Variants in MTM1 observed in about 807,000 individuals in gnomAD.
The protein encoded by MTM1 is myotubularin.
MTM1 carries 9 observed loss-of-function variants against 52.1 expected under a neutral mutation model. That is an observed-to-expected ratio of 0.17 (90% CI 0.10 to 0.30). The LOEUF (loss-of-function observed/expected upper bound fraction) is 0.30, where lower values mean the gene tolerates loss of function less well. Ranked by LOEUF, MTM1 falls within the 10% of genes least tolerant of loss-of-function variation. MTM1 has a pLI of 1.00. For synonymous variants in MTM1, 136 were observed against 163.8 expected (o/e 0.83, Z 1.29); for missense variants, 277 against 470.7 (o/e 0.59, Z 3.81).
At chrX:150,643,922 T>A (rs1557413903) in intron 8 of MTM1, among the ~76,000 whole-genome samples, 1 of 111,007 alleles carries the variant, frequency 9.0e-6, no homozygotes, top group African/African-American at 3.3e-5. Context: ...CCTGTTTAGC[T>A]CTGTAATAAG....
In MTM1 at chrX:150,598,695, A is replaced by G; in HGVS notation, c.231+9A>G. The G allele has an allele frequency of 9.4e-7, 1 of 1,068,802 alleles. No homozygotes were observed. Among genetic ancestry groups the G allele is most frequent in the Non-Finnish European group, 1.3e-6 (1 of 766,728 alleles). 88.1% of individuals were successfully genotyped at this position (1,068,802 alleles called of 1,213,427 possible). A position where few individuals can be genotyped will look rare whatever the true frequency, so the allele number is the denominator to read the frequency against. On this transcript the variant is annotated intron_variant, in intron 4 of 14. Coordinates refer to ENST00000370396, the MANE Select transcript of MTM1 (RefSeq NM_000252.3). Reference sequence around the variant, plus strand: ...TAAGAAGTTTGGAAACGGTAAGTAGAATATAAGACCATAAAGATGACCCTA... The same window carrying G: ...TAAGAAGTTTGGAAACGGTAAGTAGGATATAAGACCATAAAGATGACCCTA...
At chrX:150,643,328 C>G (rs905155505) in intron 8 of MTM1, among the ~76,000 whole-genome samples, 3 of 111,680 alleles carry the variant, frequency 2.7e-5, no homozygotes, top group African/African-American at 9.8e-5. Context: ...TTAAATGTTT[C>G]CATTAATGGA....
chrX:150,668,308 A>G (rs1483978064), intron 14 of MTM1, among the ~76,000 whole-genome samples: 1 of 112,242 alleles, frequency 8.9e-6, no homozygotes, highest in Non-Finnish European at 1.9e-5. Context: ...TTTTTAGGGC[A>G]ACCTCATGGC....
At chrX:150,659,206 G>A (rs1557414582) in intron 11 of MTM1, among the ~76,000 whole-genome samples, 1 of 112,177 alleles carries the variant, frequency 8.9e-6, no homozygotes, top group African/African-American at 3.2e-5. Flanking sequence ...TTTTGGTTTT[G>A]TCTTGTTTTT....
intron 8 of MTM1, among the ~76,000 whole-genome samples, chrX:150,644,182 CAAAT>C (rs1331508819): frequency 4.5e-5 from 5 of 111,218 alleles, no homozygotes; most frequent in Middle Eastern, 4.2e-3. Flanking sequence ...AATAATTTCT[CAAAT>C]AATAAATCTT....
At chrX:150,660,335 CA>C in intron 12 of MTM1, 35 bp from the exon 13 acceptor site, 1 of 869,320 alleles carries the variant, frequency 1.2e-6, no homozygotes. Flanking sequence ...GTTTCAGTCC[CA>C]GTTTTTCATG....
At chrX:150,642,988 T>C (rs1476087470) in intron 8 of MTM1, among the ~76,000 whole-genome samples, 2 of 111,958 alleles carry the variant, frequency 1.8e-5, no homozygotes, top group South Asian at 3.8e-4. Flanking sequence ...TATTTATTTT[T>C]TCTAAAATGG....
chrX:150,652,081 T>C (rs782448813), intron 10 of MTM1, among the ~76,000 whole-genome samples: 1 of 111,404 alleles, frequency 9.0e-6, no homozygotes, highest in East Asian at 2.8e-4. Flanking sequence ...GAGGATCATA[T>C]GACTATGAGA....
rs1378718799 is a variant in MTM1, at chrX:150,583,408, ATT to A, written c.-10-9196_-10-9195del. Among the ~76,000 whole-genome samples the A allele has an allele frequency of 1.5e-4, 6 of 39,904 alleles. 2 individuals carry two copies. Among genetic ancestry groups the A allele is most frequent in the Non-Finnish European group, 1.9e-4 (5 of 26,335 alleles). The allele number at this position is 39,904 out of a possible 115,157, so 34.7% of individuals were successfully genotyped here. On this transcript the variant is annotated intron_variant, in intron 1 of 14. Coordinates refer to ENST00000370396, the MANE Select transcript of MTM1 (RefSeq NM_000252.3). ...AATATAATATATATAAATTATATATATTATATTATATATAATTATAAATATAT... is the reference window on the plus strand; with the variant it reads ...AATATAATATATATAAATTATATATAATATTATATATAATTATAAATATAT...
chrX:150,592,439 C>G (rs2038901381), intron 1 of MTM1, among the ~76,000 whole-genome samples, 166 bp from the exon 2 acceptor site: 1 of 111,029 alleles, frequency 9.0e-6, no homozygotes, highest in Non-Finnish European at 1.9e-5. Context: ...TGCCTGTGCT[C>G]TGGTTCATCG....
chrX:150,569,883 A>G (rs782439181), intron 1 of MTM1, among the ~76,000 whole-genome samples: 1 of 112,196 alleles, frequency 8.9e-6, no homozygotes, highest in South Asian at 3.7e-4. Context: ...TGTATTCACC[A>G]GATTTGATTC....
chrX:150,587,581 C>T (rs1415271004), intron 1 of MTM1, among the ~76,000 whole-genome samples: 1 of 111,840 alleles, frequency 8.9e-6, no homozygotes, highest in Non-Finnish European at 1.9e-5. Context: ...TGATGGTGTA[C>T]CTGGTCTCAA....
chrX:150,590,674 C>A (rs1246903355), intron 1 of MTM1, among the ~76,000 whole-genome samples: 1 of 111,552 alleles, frequency 9.0e-6, no homozygotes, highest in Non-Finnish European at 1.9e-5. Flanking sequence ...GAAATTTTTT[C>A]ATGAAAATCA....
intron 10 of MTM1, among the ~76,000 whole-genome samples, chrX:150,653,237 T>G (rs1462750808): frequency 9.0e-6 from 1 of 111,052 alleles, no homozygotes; most frequent in Non-Finnish European, 1.9e-5. Context: ...AGCCTTGAGT[T>G]GGACCTTGAA....
rs782388331 is a variant in MTM1 at position 150,659,765 on chromosome X, T to A, written c.1353+9T>A. 4.4e-6 allele frequency: 5 copies of A among 1,144,637 alleles called. No individual in the cohort carries two copies. In the African/African-American group the frequency reaches 8.9e-5, roughly 20 times the overall value. 94.3% of individuals were successfully genotyped at this position (1,144,637 alleles called of 1,213,427 possible). A position where few individuals can be genotyped will look rare whatever the true frequency, so the allele number is the denominator to read the frequency against. Reference sequence around the variant, plus strand: ...GGCAAATGTCAAAACAGGTAAGGAATATGAGGGATGAAAATACATTCAACT... The same window carrying A: ...GGCAAATGTCAAAACAGGTAAGGAAAATGAGGGATGAAAATACATTCAACT... On this transcript the variant is annotated intron_variant, in intron 12 of 14. Coordinates refer to ENST00000370396, the MANE Select transcript of MTM1 (RefSeq NM_000252.3).
chrX:150,635,730 G>A (rs368231737), intron 6 of MTM1, among the ~76,000 whole-genome samples: 1 of 111,964 alleles, frequency 8.9e-6, no homozygotes, highest in South Asian at 3.7e-4. Context: ...GTAGGTCCTC[G>A]TACTTTCAAG....
chrX:150,658,416 A>G (rs2040162587), intron 11 of MTM1, among the ~76,000 whole-genome samples: 1 of 111,774 alleles, frequency 8.9e-6, no homozygotes, highest in Non-Finnish European at 1.9e-5. Flanking sequence ...TAAGTTCAAA[A>G]GAGCTATTGT....
chrX:150,662,595 A>G (rs782443826), intron 13 of MTM1, among the ~76,000 whole-genome samples: 1 of 112,220 alleles, frequency 8.9e-6, no homozygotes, highest in East Asian at 2.8e-4. Flanking sequence ...AAGTGCTGCA[A>G]TTACAGGCGT....
intron 14 of MTM1, among the ~76,000 whole-genome samples, chrX:150,665,899 C>A (rs180817278): frequency 1.8e-4 from 20 of 112,038 alleles, no homozygotes; most frequent in Non-Finnish European, 2.8e-4. Context: ...TGCCAGTGAC[C>A]ATCATACGGT....
Sources: gnomAD v4.1 joint callset for allele counts (sites outside exome capture counted in the v4.1 genomes callset) on GRCh38, gnomAD v4.1.1 for gene constraint, MANE v1.5 for transcripts, NCBI Gene and HGNC (gene_info 2026-07-23, HGNC 2026-07-21) for gene names.